The following EVC2 variants were observed in gnomAD, a reference collection of about 807,000 sequenced individuals.
EVC2 encodes the protein limbin.
EVC2 carries 148 observed loss-of-function variants against 149.3 expected under a neutral mutation model. The observed-to-expected ratio is 0.99, with a 90% confidence interval of 0.87 to 1.14. The LOEUF (loss-of-function observed/expected upper bound fraction) is 1.14, where lower values mean the gene tolerates loss of function less well. Ranked by LOEUF, EVC2 falls within the 50% of genes most tolerant of loss-of-function variation. The pLI is 0.00. For synonymous variants in EVC2, 776 were observed against 649.9 expected, an observed-to-expected ratio of 1.19 and a Z score of -2.95; for missense variants, 1,854 against 1,627.3, an observed-to-expected ratio of 1.14 and a Z score of -2.40.
At chr4:5,536,812 A>G in the EVC2 span, among the ~76,000 whole-genome samples, 87 of 152,188 alleles carry the variant, frequency 5.7e-4, 1 homozygote, top group African/African-American at 1.9e-3. Context: ...ATTATCCCTA[A>G]CATATAAATC....
In EVC2 at chr4:5,576,595, G is replaced by A. The variant is rs1722951035; in HGVS notation, c.3058-141C>T. The A allele has an allele frequency of 3.4e-6, 5 of 1,468,300 alleles. No individual in the cohort carries two copies. Among genetic ancestry groups the A allele is most frequent in the Non-Finnish European group, 3.7e-6 (4 of 1,089,690 alleles). 91.0% of individuals were successfully genotyped at this position (1,468,300 alleles called of 1,614,324 possible). On this transcript the variant is annotated intron_variant, in intron 17 of 21. Coordinates refer to ENST00000344408, the MANE Select transcript of EVC2 (RefSeq NM_147127.5). This position sits in a 1 kb window ranked among gnomAD's most constrained non-coding sequence, Gnocchi z 4.5. ...GTTCCCCATCCAGCTGTGCCACATG[G>A]TGCAATGTGAGTGCACCACGATCTC...
chr4:5,645,007 G>A (rs987100203), intron 9 of EVC2, among the ~76,000 whole-genome samples: 1 of 152,130 alleles, frequency 6.6e-6, no homozygotes, highest in Non-Finnish European at 1.5e-5. Flanking sequence ...ATATCTCTTC[G>A]ATATATTGAT....
intron 7 of EVC2, among the ~76,000 whole-genome samples, chr4:5,672,624 T>C (rs1281518857): frequency 6.6e-6 from 1 of 152,066 alleles, no homozygotes; most frequent in African/African-American, 2.4e-5. Context: ...TGAGAGGCAA[T>C]AGGTTAAAAA....
chr4:5,612,871 A>G lies in EVC2; in HGVS notation c.2829+2551T>C, dbSNP rs545299712. Reference sequence around the variant, plus strand: ...CGGGAGGCAGAGCTTGCAGTGAGCCAGGATTGTGCCACTGCACTCCAGCCT... The same window carrying G: ...CGGGAGGCAGAGCTTGCAGTGAGCCGGGATTGTGCCACTGCACTCCAGCCT... On this transcript the variant is annotated intron_variant, in intron 16 of 21. Transcript: ENST00000344408. Among the ~76,000 whole-genome samples the G allele has an allele frequency of 5.4e-4, 74 of 136,850 alleles. No individual in the cohort carries two copies. The East Asian group carries it at 0.011, about 20-fold the overall frequency. The allele number at this position is 136,850 out of a possible 152,430, so 89.8% of individuals were successfully genotyped here.
At chr4:5,596,398 A>C (rs1270728553) in intron 16 of EVC2, among the ~76,000 whole-genome samples, 2 of 152,208 alleles carry the variant, frequency 1.3e-5, no homozygotes, top group African/African-American at 2.4e-5. Flanking sequence ...TCAAACTAGA[A>C]CTCAGGATTA....
At chr4:5,692,938 C>A (rs1425105216) in intron 3 of EVC2, among the ~76,000 whole-genome samples, 2 of 148,600 alleles carry the variant, frequency 1.3e-5, no homozygotes, top group African/African-American at 2.5e-5. Flanking sequence ...AACACGCGGA[C>A]AATATGCAAC....
chr4:5,635,542 AG>A (rs1716838184), intron 10 of EVC2, among the ~76,000 whole-genome samples: 1 of 152,210 alleles, frequency 6.6e-6, no homozygotes, highest in Non-Finnish European at 1.5e-5. Context: ...TGAGAAGCAC[AG>A]GCCTGCATCA....
chr4:5,622,905 C>T lies in EVC2; in HGVS notation c.2133G>A (p.Arg711=), dbSNP rs766379192. 6.2e-7 allele frequency: 1 copy of T among 1,614,200 alleles called. No individual in the cohort carries two copies. The highest frequency in any genetic ancestry group is 8.5e-7 in the Non-Finnish European group (1 of 1,180,046). Residue 711 remains arginine (R), a synonymous_variant, in exon 14 of 22, where the codon AGG becomes AGA. Transcript: ENST00000344408. This position sits in a 1 kb window ranked among gnomAD's most constrained non-coding sequence, Gnocchi z 5.8. ...EDAGQYLHQK[R]SLMEEHGATL... is the part of the protein sequence containing the mutation. ...TGGCACCGTGCTCCTCCATCAGGCT[C>T]CTCTTCTGGTGCAGGTACTGGCCGG...
At chr4:5,706,351 TAG>T (rs1560243266) in intron 1 of EVC2, among the ~76,000 whole-genome samples, 6 of 48,584 alleles carry the variant, frequency 1.2e-4, no homozygotes, top group East Asian at 1.2e-3. Flanking sequence ...CATAGATAGA[TAG>T]ACACATAGAT....
chr4:5,611,258 C>A (rs988149219), intron 16 of EVC2, among the ~76,000 whole-genome samples: 2 of 152,250 alleles, frequency 1.3e-5, no homozygotes, highest in African/African-American at 2.4e-5. Context: ...GGGCACTAAC[C>A]TTTTTGAGCT....
chr4:5,561,484 C>T (rs991746336), downstream of EVC2, among the ~76,000 whole-genome samples: 1 of 152,230 alleles, frequency 6.6e-6, no homozygotes, highest in Non-Finnish European at 1.5e-5. Flanking sequence ...TGCAGTCATG[C>T]AGTCAAGTGG....
chr4:5,549,331 C>T (rs548851165), intron 21 of EVC2, among the ~76,000 whole-genome samples: 18 of 152,232 alleles, frequency 1.2e-4, no homozygotes, highest in Admixed American at 7.2e-4. Flanking sequence ...TATCCTCCTT[C>T]GACAGGGGAA....
chr4:5,541,819 G>A (rs143197685), downstream of EVC2, among the ~76,000 whole-genome samples: 17 of 152,200 alleles, frequency 1.1e-4, no homozygotes, highest in African/African-American at 3.9e-4. Flanking sequence ...TACATGGCGG[G>A]GCCTGTTCTA....
rs1234704864 is a variant in EVC2, at chr4:5,636,188, G to A, written c.1471-4156C>T. Among the ~76,000 whole-genome samples, 1 of 152,148 alleles carries A rather than the reference G, an allele frequency of 6.6e-6. No homozygotes were observed. Among genetic ancestry groups the A allele is most frequent in the African/African-American group, 2.4e-5 (1 of 41,448 alleles). ...GTAACGTGCCTACTGGAGGAAAAGA[G>A]GGAGGAAATAAACCCCAGCAACCTG... On this transcript the variant is annotated intron_variant, in intron 10 of 21. Coordinates refer to ENST00000344408, the MANE Select transcript of EVC2 (RefSeq NM_147127.5). The surrounding 1 kb of genome is among the most constrained non-coding windows in gnomAD (Gnocchi z 4.6).
In EVC2 at chr4:5,625,774, T is replaced by G; in HGVS notation, c.2021A>C (p.Lys674Thr). Residue 674 changes from lysine (K) to threonine (T), a missense_variant, in exon 13 of 22, where the codon AAG becomes ACG. Physicochemically the swap from Lys to Thr is moderately conservative, Grantham distance 78. Coordinates refer to ENST00000344408, the MANE Select transcript of EVC2 (RefSeq NM_147127.5). This position sits in a 1 kb window ranked among gnomAD's most constrained non-coding sequence, Gnocchi z 4.0. ...KKKLHQKLIT[K>T]RRRELLQKHR... ...CTTTTGTAGCAACTCTCGTCTTCTC[T>G]TAGTTATTAATTTTTGGTGGAGCTT... 6.2e-7 allele frequency: 1 copy of G among 1,614,162 alleles called. No homozygotes were observed. Among genetic ancestry groups the G allele is most frequent in the African/African-American group, 1.3e-5 (1 of 75,052 alleles).
rs1275578562 is a variant in EVC2, at chr4:5,569,418, C to A, written c.3361-778G>T. ...TGGTTCTGATGCTGTCTGACAGGAA[C>A]CATTGGGGAAAATTGAGTGAAACTC... On this transcript the variant is annotated intron_variant, in intron 19 of 21. Transcript: ENST00000344408. This position sits in a 1 kb window ranked among gnomAD's most constrained non-coding sequence, Gnocchi z 4.8. Among the ~76,000 whole-genome samples the A allele has an allele frequency of 1.3e-5, 2 of 152,162 alleles. No individual in the cohort carries two copies. Among genetic ancestry groups the A allele is most frequent in the African/African-American group, 4.8e-5 (2 of 41,442 alleles).
At position 5,574,715 on chromosome 4, in the gene EVC2, C is replaced by T. The variant is rs151081670; in HGVS notation, c.3330G>A (p.Glu1110=). The T allele has an allele frequency of 3.7e-6, 6 of 1,614,172 alleles. No individual in the cohort carries two copies. Among genetic ancestry groups the T allele is most frequent in the Non-Finnish European group, 5.1e-6 (6 of 1,180,028 alleles). ...VVLEDLLENM[E]ADTFATLCSQ... is the part of the protein sequence containing the mutation. ...TGCACAGGGTTGCAAAGGTGTCTGCCTCCATGTTTTCCAACAAGTCTTCTA... is the reference window on the plus strand; with the variant it reads ...TGCACAGGGTTGCAAAGGTGTCTGCTTCCATGTTTTCCAACAAGTCTTCTA... Residue 1110 remains glutamate (E), a synonymous_variant, in exon 19 of 22, where the codon GAG becomes GAA. Transcript: ENST00000344408.
chr4:5,557,668 A>AAAAC (rs1383553455), downstream of EVC2, among the ~76,000 whole-genome samples: 97 of 152,284 alleles, frequency 6.4e-4, no homozygotes, highest in African/African-American at 2.1e-3. Flanking sequence ...GAACTGACCA[A>AAAAC]AAACAAACAA....
intron 7 of EVC2, 65 bp downstream of exon 7, chr4:5,681,195 G>A: frequency 6.3e-7 from 1 of 1,582,728 alleles, no homozygotes; most frequent in South Asian, 1.1e-5. Context: ...TGGCTCCAAG[G>A]ACAGGCAGGA....
Sources: allele counts gnomAD v4.1 joint callset (sites outside exome capture counted in the v4.1 genomes callset), GRCh38; gene constraint gnomAD v4.1.1; non-coding constraint Gnocchi (gnomAD v3.1); transcripts MANE v1.5; gene names NCBI Gene and HGNC (gene_info 2026-07-23, HGNC 2026-07-21).